EIPR1: variants seen among roughly 807,000 people sequenced by gnomAD.
EIPR1 encodes EARP complex and GARP complex interacting protein 1.
Under a neutral mutation model 48.1 loss-of-function variants are expected in EIPR1, and 25 were observed. That is an observed-to-expected ratio of 0.52 (90% CI 0.38 to 0.73). EIPR1 has a LOEUF of 0.73. Among genes scored for constraint, EIPR1 ranks in the 30% least tolerant of loss-of-function variants. EIPR1 has a pLI of 0.00. For synonymous variants in EIPR1, 204 were observed against 201.9 expected (o/e 1.01, Z -0.09); for missense variants, 415 against 506.2 (o/e 0.82, Z 1.73).
chr2:3,293,895 A>C (rs1365217763), intron 3 of EIPR1, among the ~76,000 whole-genome samples: 1 of 152,190 alleles, frequency 6.6e-6, no homozygotes, highest in Non-Finnish European at 1.5e-5. Flanking sequence ...GAAACCACAC[A>C]TTATTCAAAA....
rs561730572 is a variant in EIPR1, at chr2:3,256,528, G to A, written c.416+771C>T. ...TTGTTGTATTAAATTTATTTAATTG[G>A]TAGAACTGACGAGACAGAAGTCACT... is the stretch of plus-strand genomic sequence containing the variant. On this transcript the variant is annotated intron_variant, in intron 4 of 8. Coordinates refer to ENST00000382125, the MANE Select transcript of EIPR1 (RefSeq NM_003310.5). Among the ~76,000 whole-genome samples the A allele has an allele frequency of 5.7e-4, 87 of 152,290 alleles. No homozygotes were observed. In the South Asian group the frequency reaches 0.017, roughly 30 times the overall value.
intron 4 of EIPR1, 37 bp from the exon 5 acceptor site, chr2:3,214,285 AT>A: frequency 2.5e-6 from 4 of 1,586,300 alleles, no homozygotes; most frequent in Non-Finnish European, 2.6e-6. Flanking sequence ...TAACATAAAC[AT>A]TTGAGATACC....
intron 3 of EIPR1, among the ~76,000 whole-genome samples, chr2:3,308,096 A>G (rs1669007002): frequency 6.6e-6 from 1 of 152,246 alleles, no homozygotes; most frequent in African/African-American, 2.4e-5. Context: ...GTGGCCACGG[A>G]GGCCTCAGAG....
At chr2:3,218,521 CAGTG>C (rs1191753751) in intron 4 of EIPR1, among the ~76,000 whole-genome samples, 1 of 148,140 alleles carries the variant, frequency 6.8e-6, no homozygotes, top group Non-Finnish European at 1.5e-5. Context: ...AGAGCATTCA[CAGTG>C]AGTCAGGTGC....
intron 6 of EIPR1, among the ~76,000 whole-genome samples, chr2:3,194,679 TAC>T (rs1238576618): frequency 8.4e-6 from 1 of 118,440 alleles, no homozygotes. Context: ...ACTATATATA[TAC>T]AGAGAGAGAG....
At chr2:3,371,161 T>C (rs1264807629) in intron 1 of EIPR1, among the ~76,000 whole-genome samples, 4 of 152,038 alleles carry the variant, frequency 2.6e-5, no homozygotes. Flanking sequence ...GAAGGAGAAA[T>C]AAAATACTTT....
chr2:3,264,154 C>T (rs1667417830), intron 3 of EIPR1, among the ~76,000 whole-genome samples: 1 of 152,190 alleles, frequency 6.6e-6, no homozygotes, highest in South Asian at 2.1e-4. Flanking sequence ...TCCCCATCCG[C>T]CCTCCCGCCA....
chr2:3,332,493 T>C (rs1183576153), intron 3 of EIPR1, among the ~76,000 whole-genome samples: 1 of 152,236 alleles, frequency 6.6e-6, no homozygotes, highest in Non-Finnish European at 1.5e-5. Flanking sequence ...TGTTATTTGC[T>C]GTGTGTGGAG....
intron 3 of EIPR1, among the ~76,000 whole-genome samples, chr2:3,283,314 C>T (rs558837147): frequency 3.3e-5 from 5 of 152,320 alleles, no homozygotes; most frequent in African/African-American, 9.6e-5. Flanking sequence ...CTGGTCCGAG[C>T]AGCCAAGTAA....
chr2:3,282,391 C>T (rs963146769), intron 3 of EIPR1: 7 of 152,308 alleles, frequency 4.6e-5, no homozygotes, highest in African/African-American at 1.7e-4. Flanking sequence ...AAAAACACAG[C>T]CCCACAGACT....
intron 3 of EIPR1, among the ~76,000 whole-genome samples, chr2:3,324,931 A>G (rs1669649215): frequency 6.6e-6 from 1 of 152,236 alleles, no homozygotes; most frequent in Non-Finnish European, 1.5e-5. Flanking sequence ...CCTGAAAAGC[A>G]GCGCTTCCAG....
intron 1 of EIPR1, among the ~76,000 whole-genome samples, chr2:3,370,924 G>A (rs1671099039): frequency 2.0e-5 from 3 of 152,052 alleles, no homozygotes; most frequent in African/African-American, 7.2e-5. Context: ...GCAACTCCAA[G>A]ACACATAATT....
intron 3 of EIPR1, among the ~76,000 whole-genome samples, chr2:3,281,159 C>T (rs1035085873): frequency 3.9e-5 from 6 of 152,138 alleles, no homozygotes; most frequent in African/African-American, 1.4e-4. Context: ...AGGTCTGGCT[C>T]ACACAGTTGA....
At chr2:3,317,489 G>T (rs545901616) in intron 3 of EIPR1, among the ~76,000 whole-genome samples, 2 of 152,366 alleles carry the variant, frequency 1.3e-5, no homozygotes, top group East Asian at 3.9e-4. Flanking sequence ...TCACATGCGG[G>T]GTGGAGCACG....
intron 2 of EIPR1, among the ~76,000 whole-genome samples, chr2:3,343,464 G>T (rs1193867583): frequency 6.6e-6 from 1 of 152,102 alleles, no homozygotes; most frequent in Non-Finnish European, 1.5e-5. Flanking sequence ...TGCAAAGGCG[G>T]TCGCCCTGTG....
intron 3 of EIPR1, among the ~76,000 whole-genome samples, chr2:3,274,023 G>A (rs2694080): frequency 0.68 from 104,103 of 152,112 alleles, 35,995 homozygotes; most frequent in East Asian, 0.81. Context: ...TGTTGAAATA[G>A]AAGTCTCTGT....
At chr2:3,236,986 C>CAAATGTTA (rs1666424005) in intron 4 of EIPR1, among the ~76,000 whole-genome samples, 1 of 152,096 alleles carries the variant, frequency 6.6e-6, no homozygotes, top group Non-Finnish European at 1.5e-5. Context: ...ACCATGTTAA[C>CAAATGTTA]ACACGAGAAA....
chr2:3,207,706 AAAG>A (rs1230866560), intron 5 of EIPR1: 1 of 152,232 alleles, frequency 6.6e-6, no homozygotes, highest in African/African-American at 2.4e-5. Context: ...GTATTACCAG[AAAG>A]AAGTCTTTTA....
chr2:3,257,536 C>T, intron 3 of EIPR1, 81 bp from the exon 4 acceptor site: 1 of 1,533,960 alleles, frequency 6.5e-7, no homozygotes, highest in Non-Finnish European at 8.9e-7. Context: ...CACATTTACA[C>T]AAATCCATAA....
Sources: gnomAD v4.1 joint callset for allele counts (sites outside exome capture counted in the v4.1 genomes callset) on GRCh38, gnomAD v4.1.1 for gene constraint, MANE v1.5 for transcripts, NCBI Gene and HGNC (gene_info 2026-07-23, HGNC 2026-07-21) for gene names.